SIAH3: variants seen among roughly 807,000 people sequenced by gnomAD.
SIAH3 encodes the protein siah E3 ubiquitin protein ligase family member 3.
A neutral mutation model predicts 12.6 loss-of-function variants in SIAH3; 9 were observed. That is an observed-to-expected ratio of 0.72 (90% CI 0.43 to 1.25). The LOEUF (loss-of-function observed/expected upper bound fraction) is 1.25. SIAH3 is among the 50% of genes most tolerant of loss of function. SIAH3 has a pLI of 0.00. For missense variants in SIAH3, 390 were observed against 365.4 expected (o/e 1.07, Z -0.55); for synonymous variants, 154 against 151.1 (o/e 1.02, Z -0.14).
At position 45,833,069 on chromosome 13, in the gene SIAH3, A is replaced by C. The variant is rs1208755198; in HGVS notation, c.135+18426T>G. Among the ~76,000 whole-genome samples the C allele has an allele frequency of 5.3e-5, 8 of 152,230 alleles. No homozygotes were observed. In the East Asian group the frequency reaches 1.5e-3, roughly 29 times the overall value. ...CAGAGGTGGGGGGAAACTGCATAGG[A>C]ACTGGGAAAGAGGTGACAAATTTGG... On this transcript the variant is annotated intron_variant, in intron 1 of 1. Transcript: ENST00000400405.
rs900253056 is a variant in SIAH3, at chr13:45,782,991, A to G, written c.*392T>C. On this transcript the variant is annotated 3_prime_UTR_variant, in exon 2 of 2. Coordinates refer to ENST00000400405, the MANE Select transcript of SIAH3 (RefSeq NM_198849.3). ...TCTGAAATAGACTGAAAAGAGAAAC[A>G]AGAAATGATTCTCACACGAAGCCTC... is the stretch of plus-strand genomic sequence containing the variant. The G allele has an allele frequency of 6.5e-6, 1 of 153,526 alleles. No homozygotes were observed. The highest frequency in any genetic ancestry group is 2.4e-5 in the African/African-American group (1 of 41,498). 9.5% of individuals were successfully genotyped at this position (153,526 alleles called of 1,614,324 possible). A position where few individuals can be genotyped will look rare whatever the true frequency, so the allele number is the denominator to read the frequency against.
Position 45,777,954 on chromosome 13 carries a change from A to G in SIAH3, c.*5429T>C, listed in dbSNP as rs1480993801. 1 of 152,200 alleles carries G rather than the reference A, an allele frequency of 6.6e-6. No homozygotes were observed. The highest frequency in any genetic ancestry group is 1.5e-5 in the Non-Finnish European group (1 of 68,036). 9.4% of individuals were successfully genotyped at this position (152,200 alleles called of 1,614,324 possible). On this transcript the variant is annotated 3_prime_UTR_variant, in exon 2 of 2. Transcript: ENST00000400405. ...GGAAGTTTCCAGTGACTCTTGTCCT[A>G]GTGGAAACTGTGCCCCAGATTTAGA...
In SIAH3 at chr13:45,843,034, C is replaced by CTCTG. The variant is rs560128772; in HGVS notation, c.135+8460_135+8461insCAGA. Among the ~76,000 whole-genome samples the CTCTG allele has an allele frequency of 3.8e-3, 534 of 139,286 alleles. 7 individuals are homozygous for CTCTG. Among genetic ancestry groups the CTCTG allele is most frequent in the African/African-American group, 0.013 (504 of 37,808 alleles). 91.4% of individuals were successfully genotyped at this position (139,286 alleles called of 152,430 possible). On this transcript the variant is annotated intron_variant, in intron 1 of 1. Coordinates refer to ENST00000400405, the MANE Select transcript of SIAH3 (RefSeq NM_198849.3). ...TGCCATTATTTCTCTCTCTCTCTCTCTGTGTGTGTGTGTGTGTGTGTGTGT... is the reference window on the plus strand; with the variant it reads ...TGCCATTATTTCTCTCTCTCTCTCTCTCTGTGTGTGTGTGTGTGTGTGTGTGTGT...
chr13:45,811,918 C>T lies in SIAH3; in HGVS notation c.136-27861G>A, dbSNP rs185601654. Reference sequence around the variant, plus strand: ...CTCCGAAGAACCAGACAACTTTCAGCCTGGTTTAGTTATGAGAAGGGTTCT... The same window carrying T: ...CTCCGAAGAACCAGACAACTTTCAGTCTGGTTTAGTTATGAGAAGGGTTCT... On this transcript the variant is annotated intron_variant, in intron 1 of 1. Coordinates refer to ENST00000400405, the MANE Select transcript of SIAH3 (RefSeq NM_198849.3). Among the ~76,000 whole-genome samples the T allele has an allele frequency of 2.8e-4, 43 of 152,280 alleles. 1 individual carries two copies. The East Asian group carries it at 8.1e-3, about 29-fold the overall frequency.
In SIAH3 at chr13:45,779,555, A is replaced by G. The variant is rs4942433; in HGVS notation, c.*3828T>C. 129,003 of 152,154 alleles carry G rather than the reference A, an allele frequency of 0.85. 54,701 individuals are homozygous for G. Among genetic ancestry groups the G allele is most frequent in the Middle Eastern group, 0.88 (259 of 294 alleles). The allele number at this position is 152,154 out of a possible 1,614,324, so 9.4% of individuals were successfully genotyped here. On this transcript the variant is annotated 3_prime_UTR_variant, in exon 2 of 2. Transcript: ENST00000400405. ...TTGCTGTTGGTCAGAAGCCATACGT[A>G]CCCGGTCCCAGGCCCAGCTCTGCCA...
At chr13:45,824,919 A>C (rs576745837) in intron 1 of SIAH3, among the ~76,000 whole-genome samples, 18 of 150,302 alleles carry the variant, frequency 1.2e-4, no homozygotes, top group Non-Finnish European at 5.9e-5. Flanking sequence ...AAACCAAAAA[A>C]AGAAGCCATC....
chr13:45,789,382 ATCTATCTAT>A (rs1950538532), intron 1 of SIAH3, among the ~76,000 whole-genome samples: 1 of 35,306 alleles, frequency 2.8e-5, no homozygotes, highest in Non-Finnish European at 5.8e-5. Flanking sequence ...CTATCTATCT[ATCTATCTAT>A]CTATCTATCT....
At chr13:45,800,665 G>T (rs1278268698) in intron 1 of SIAH3, among the ~76,000 whole-genome samples, 1 of 152,158 alleles carries the variant, frequency 6.6e-6, no homozygotes, top group Non-Finnish European at 1.5e-5. Context: ...TCTGCCTCTG[G>T]TTTTAACAGT....
At position 45,781,161 on chromosome 13, in the gene SIAH3, G is replaced by T. The variant is rs73191349; in HGVS notation, c.*2222C>A. The T allele has an allele frequency of 0.083, 12,712 of 152,672 alleles. 621 individuals carry two copies. Among genetic ancestry groups the T allele is most frequent in the East Asian group, 0.16 (807 of 5,176 alleles). The allele number at this position is 152,672 out of a possible 1,614,324, so 9.5% of individuals were successfully genotyped here. ...CTGAAGTCATTCCCAGTGTGGCTCA[G>T]GTAACTTGGCACAACCAGAAGGCAA... On this transcript the variant is annotated 3_prime_UTR_variant, in exon 2 of 2. Transcript: ENST00000400405.
chr13:45,851,091 T>C (rs1950779609), intron 1 of SIAH3, among the ~76,000 whole-genome samples: 1 of 141,514 alleles, frequency 7.1e-6, no homozygotes, highest in African/African-American at 2.7e-5. Context: ...TGACCACCTC[T>C]CCCAACACAT....
chr13:45,842,345 T>C (rs1400490886), intron 1 of SIAH3, among the ~76,000 whole-genome samples: 2 of 152,146 alleles, frequency 1.3e-5, no homozygotes, highest in Non-Finnish European at 2.9e-5. Flanking sequence ...TTTATATAAA[T>C]CATATGTATA....
Position 45,783,624 on chromosome 13 carries a change from A to G in SIAH3, c.569T>C (p.Ile190Thr). The change falls in exon 2 of 2, where the codon ATT becomes ACT. Residue 190 changes from isoleucine (I) to threonine (T), a missense_variant. Ile to Thr is a moderately conservative substitution (Grantham distance 89, BLOSUM62 -1). Coordinates refer to ENST00000400405, the MANE Select transcript of SIAH3 (RefSeq NM_198849.3). ...HPQFFATMMLIGTPTQADCFT... is the reference protein window; with the variant it reads ...HPQFFATMMLTGTPTQADCFT... The stretch of plus-strand genomic sequence containing the variant: ...GCAGTCGGCCTGGGTGGGGGTCCCA[A>G]TCAGCATCATGGTGGCAAAGAACTG... 1 of 1,614,118 alleles carries G rather than the reference A, an allele frequency of 6.2e-7. No individual in the cohort carries two copies. The highest frequency in any genetic ancestry group is 1.7e-5 in the Admixed American group (1 of 60,024).
intron 1 of SIAH3, among the ~76,000 whole-genome samples, chr13:45,797,593 A>T (rs1388891916): frequency 1.3e-5 from 2 of 152,158 alleles, no homozygotes; most frequent in Non-Finnish European, 2.9e-5. Flanking sequence ...CAATCCTCAA[A>T]CACTGTGCAG....
intron 1 of SIAH3, among the ~76,000 whole-genome samples, chr13:45,812,661 A>AAC (rs376805762): frequency 1.3e-5 from 2 of 151,984 alleles, no homozygotes; most frequent in South Asian, 2.1e-4. Context: ...ATAAATATAT[A>AAC]ACACACACAC....
Position 45,783,684 on chromosome 13 carries a change from A to G in SIAH3, c.509T>C (p.Val170Ala). 6.2e-7 allele frequency: 1 copy of G among 1,614,070 alleles called. No homozygotes were observed. The highest frequency in any genetic ancestry group is 8.5e-7 in the Non-Finnish European group (1 of 1,179,982). ...HSCLGHHFLL[V>A]LRKQERHEGH... is the part of the protein sequence containing the mutation. ...TTCATGCCTCTCCTGTTTCCTCAGC[A>G]CCAACAGAAAGTGGTGGCCAAGGCA... The change falls in exon 2 of 2, where the codon GTG becomes GCG. Residue 170 changes from valine (V) to alanine (A), a missense_variant. Physicochemically the swap from Val to Ala is moderately conservative, Grantham distance 64 (BLOSUM62 0). Coordinates refer to ENST00000400405, the MANE Select transcript of SIAH3 (RefSeq NM_198849.3).
At chr13:45,804,641 C>T (rs186980016) in intron 1 of SIAH3, among the ~76,000 whole-genome samples, 48 of 152,210 alleles carry the variant, frequency 3.2e-4, no homozygotes, top group African/African-American at 1.1e-3. Context: ...GAAGCATTCT[C>T]CTTAAGAACT....
At chr13:45,833,671 T>C (rs1033213276) in intron 1 of SIAH3, among the ~76,000 whole-genome samples, 5 of 152,202 alleles carry the variant, frequency 3.3e-5, no homozygotes, top group Non-Finnish European at 7.3e-5. Flanking sequence ...ACCATTGTGG[T>C]TGGCAGGGTA....
chr13:45,848,657 G>A (rs761312144), intron 1 of SIAH3, among the ~76,000 whole-genome samples: 3 of 152,158 alleles, frequency 2.0e-5, no homozygotes, highest in South Asian at 2.1e-4. Flanking sequence ...CTGTTGGTTC[G>A]AATTCTCAGG....
intron 1 of SIAH3, 150 bp from the exon 2 acceptor site, chr13:45,784,207 A>C: frequency 1.2e-6 from 1 of 800,668 alleles, no homozygotes; most frequent in Non-Finnish European, 2.0e-6. Flanking sequence ...AAACAAACAA[A>C]CAAACAAAAC....
Sources: gnomAD v4.1 joint callset for allele counts (sites outside exome capture counted in the v4.1 genomes callset) on GRCh38, gnomAD v4.1.1 for gene constraint, MANE v1.5 for transcripts, NCBI Gene and HGNC (gene_info 2026-07-23, HGNC 2026-07-21) for gene names.